FCHO2: variants seen among roughly 807,000 people sequenced by gnomAD.
FCHO2 encodes the protein FCH and mu domain containing endocytic adaptor 2.
In FCHO2, 43 loss-of-function variants were observed where a neutral mutation model predicts 114.1. That is an observed-to-expected ratio of 0.38 (90% CI 0.30 to 0.49). The LOEUF (loss-of-function observed/expected upper bound fraction) is 0.49. Ranked by LOEUF, FCHO2 falls within the 20% of genes least tolerant of loss-of-function variation. The pLI is 0.97. For synonymous variants in FCHO2, 293 were observed against 315.2 expected (o/e 0.93, Z 0.75); for missense variants, 807 against 950.4 (o/e 0.85, Z 1.98).
chr5:73,082,260 C>CT (rs11427541), intron 23 of FCHO2, among the ~76,000 whole-genome samples: 102,200 of 140,276 alleles, frequency 0.73, 38,249 homozygotes, highest in Non-Finnish European at 0.83. Flanking sequence ...CTCTAAACTT[C>CT]TTTTTTTTTT....
At chr5:73,070,243 A>C (rs1385909505) in intron 19 of FCHO2, among the ~76,000 whole-genome samples, 3 of 152,116 alleles carry the variant, frequency 2.0e-5, no homozygotes, top group Middle Eastern at 3.2e-3. Flanking sequence ...GGAGAAATGC[A>C]ACTAGTGTGT....
chr5:73,006,841 A>G (rs1754743986), intron 6 of FCHO2, among the ~76,000 whole-genome samples: 4 of 152,206 alleles, frequency 2.6e-5, no homozygotes, highest in Admixed American at 2.6e-4. Flanking sequence ...AAGCATTAAT[A>G]AGAAAACTGG....
At chr5:73,033,463 A>G (rs1477188752) in intron 8 of FCHO2, among the ~76,000 whole-genome samples, 2 of 152,246 alleles carry the variant, frequency 1.3e-5, no homozygotes, top group African/African-American at 2.4e-5. Flanking sequence ...TTGTTAATCA[A>G]TCAGTGGCTT....
Position 73,058,555 on chromosome 5 carries a change from T to G in FCHO2, c.1345+31T>G, listed in dbSNP as rs763998393. ...TATATATATGTATATATGTATTTTT[T>G]TAAATAAAGAATACTTTAGTTGCTT... On this transcript the variant is annotated intron_variant, in intron 17 of 25. Transcript: ENST00000430046. 25 of 918,464 alleles carry G rather than the reference T, an allele frequency of 2.7e-5. No homozygotes were observed. In the African/African-American group the frequency reaches 4.1e-4, roughly 15 times the overall value. The allele number at this position is 918,464 out of a possible 1,614,324, so 56.9% of individuals were successfully genotyped here.
At chr5:73,033,547 A>C (rs935340122) in intron 8 of FCHO2, among the ~76,000 whole-genome samples, 6 of 152,264 alleles carry the variant, frequency 3.9e-5, no homozygotes, top group African/African-American at 1.4e-4. Flanking sequence ...ATCTCAGAAG[A>C]ACCAGTAACA....
chr5:73,061,026 T>C lies in FCHO2; in HGVS notation c.1345+2502T>C, dbSNP rs145496034. 8.4e-3 allele frequency among the ~76,000 whole-genome samples: 1,259 copies of C among 149,278 alleles called. 7 individuals carry two copies. Among genetic ancestry groups the C allele is most frequent in the Non-Finnish European group, 0.012 (775 of 67,048 alleles). ...TGCTCACAAAAAAAAAAAAAACCGC[T>C]TAAAATGATTTTTTGAAAAATATTG... On this transcript the variant is annotated intron_variant, in intron 17 of 25. Transcript: ENST00000430046.
chr5:72,961,620 G>GT (rs1751872852), intron 1 of FCHO2, among the ~76,000 whole-genome samples: 1 of 150,908 alleles, frequency 6.6e-6, no homozygotes, highest in African/African-American at 2.4e-5. Flanking sequence ...TTGAGACGGA[G>GT]TTTCGCTCTT....
At chr5:73,057,515 G>T (rs1261732935) in intron 16 of FCHO2, among the ~76,000 whole-genome samples, 4 of 151,882 alleles carry the variant, frequency 2.6e-5, no homozygotes, top group Non-Finnish European at 5.9e-5. Flanking sequence ...CTGTTTTTTT[G>T]TGTGTGTAAG....
chr5:72,977,320 G>C (rs1258329378), intron 2 of FCHO2, among the ~76,000 whole-genome samples: 1 of 152,070 alleles, frequency 6.6e-6, no homozygotes, highest in African/African-American at 2.4e-5. Context: ...TGGGCATTCT[G>C]ACTGTCATGA....
At chr5:73,060,808 GA>G (rs1219280418) in intron 17 of FCHO2, among the ~76,000 whole-genome samples, 9 of 152,044 alleles carry the variant, frequency 5.9e-5, no homozygotes, top group Non-Finnish European at 1.2e-4. Context: ...GGGCTTGGCT[GA>G]AAAGTAGTTT....
At position 72,965,838 on chromosome 5, in the gene FCHO2, A is replaced by G. The variant is rs1752173405; in HGVS notation, c.34-2660A>G. ...ATTAAATGTCCATAAGAGCTAAATT[A>G]AAAGGAAAATGTAGACAGGGTGGGA... On this transcript the variant is annotated intron_variant, in intron 1 of 25. Coordinates refer to ENST00000430046, the MANE Select transcript of FCHO2 (RefSeq NM_138782.3). 2.0e-5 allele frequency among the ~76,000 whole-genome samples: 3 copies of G among 152,162 alleles called. No homozygotes were observed. In the South Asian group the frequency reaches 6.2e-4, roughly 32 times the overall value.
Position 72,990,550 on chromosome 5 carries a change from T to C in FCHO2, c.273T>C (p.Val91=). Residue 91 remains valine, a synonymous_variant, in exon 4 of 26, where the codon GTT becomes GTC. Coordinates refer to ENST00000430046, the MANE Select transcript of FCHO2 (RefSeq NM_138782.3). ...EKLANCHLDL[V]RKLQELIKEV... is the part of the protein sequence containing the mutation. The stretch of plus-strand genomic sequence containing the variant: ...TAGCAAATTGTCACTTGGATCTTGT[T>C]AGAAAATTACAAGAATTAATAAAGG... 6.5e-7 allele frequency: 1 copy of C among 1,541,630 alleles called. No individual in the cohort carries two copies.
At chr5:73,013,393 A>T (rs1406641750) in intron 6 of FCHO2, among the ~76,000 whole-genome samples, 3 of 152,200 alleles carry the variant, frequency 2.0e-5, no homozygotes, top group Non-Finnish European at 4.4e-5. Context: ...AACTAACAAG[A>T]TAAAAATAGT....
At chr5:73,082,100 T>C in intron 23 of FCHO2, 118 bp downstream of exon 23, 1 of 793,040 alleles carries the variant, frequency 1.3e-6, no homozygotes, top group South Asian at 2.4e-5. Flanking sequence ...CCTTTTTCCA[T>C]AGAAACCACG....
chr5:73,008,491 T>A (rs1754831929), intron 6 of FCHO2, among the ~76,000 whole-genome samples: 1 of 151,998 alleles, frequency 6.6e-6, no homozygotes, highest in Non-Finnish European at 1.5e-5. Context: ...TGGGGAAGAT[T>A]AGATGAAGAA....
At chr5:73,080,496 T>A (rs1457902985) in intron 22 of FCHO2, among the ~76,000 whole-genome samples, 1 of 152,088 alleles carries the variant, frequency 6.6e-6, no homozygotes, top group Non-Finnish European at 1.5e-5. Flanking sequence ...TACATACACA[T>A]CAGCAGAGGA....
intron 1 of FCHO2, among the ~76,000 whole-genome samples, chr5:72,968,165 C>T (rs537820910): frequency 1.3e-5 from 2 of 152,132 alleles, no homozygotes; most frequent in Middle Eastern, 3.4e-3. Context: ...ACCTCGTGAT[C>T]CGCCCACCTC....
At chr5:73,083,127 G>T (rs1174692396) in intron 24 of FCHO2, among the ~76,000 whole-genome samples, 2 of 151,606 alleles carry the variant, frequency 1.3e-5, no homozygotes, top group Non-Finnish European at 2.9e-5. Context: ...CTCGTGATCT[G>T]CCCACCTCGG....
At chr5:73,021,179 G>T in intron 8 of FCHO2, 1 of 771,338 alleles carries the variant, frequency 1.3e-6, no homozygotes, top group East Asian at 2.5e-5. Context: ...CCAGGCTGGT[G>T]AACCGGCTGT....
Sources: allele counts gnomAD v4.1 joint callset (sites outside exome capture counted in the v4.1 genomes callset), GRCh38; gene constraint gnomAD v4.1.1; transcripts MANE v1.5; gene names NCBI Gene and HGNC (gene_info 2026-07-23, HGNC 2026-07-21).